Variants in CTNNB1 observed in about 807,000 individuals in gnomAD.
The protein encoded by CTNNB1 is catenin beta-1.
In CTNNB1, 6 loss-of-function variants were observed where a neutral mutation model predicts 82.5. The observed-to-expected ratio is 0.07, with a 90% CI of 0.04 to 0.14. The LOEUF (loss-of-function observed/expected upper bound fraction) is 0.14. Among genes scored for constraint, CTNNB1 ranks in the 10% least tolerant of loss-of-function variants. The pLI is 1.00. For synonymous variants in CTNNB1, 312 were observed against 329.7 expected, an observed-to-expected ratio of 0.95 and a Z score of 0.58; for missense variants, 529 against 980.4, an observed-to-expected ratio of 0.54 and a Z score of 6.15.
intron 13 of CTNNB1, 173 bp from the exon 14 acceptor site, chr3:41,237,843 T>A (rs905725270): frequency 3.3e-6 from 2 of 614,272 alleles, no homozygotes; most frequent in South Asian, 3.8e-5. Flanking sequence ...GAAAAAAAAA[T>A]GTATCTTTGA....
intron 7 of CTNNB1, among the ~76,000 whole-genome samples, chr3:41,232,735 T>C (rs11564451): frequency 1.3e-5 from 2 of 152,094 alleles, no homozygotes; most frequent in Non-Finnish European, 2.9e-5. Flanking sequence ...TTTCATGCCG[T>C]CTTTCTGGAT....
intron 1 of CTNNB1, among the ~76,000 whole-genome samples, chr3:41,206,409 ATGCATATATATG>A (rs1331488177): frequency 6.6e-6 from 1 of 152,134 alleles, no homozygotes; most frequent in South Asian, 2.1e-4. Context: ...AAATAGATAT[ATGCATATATATG>A]TGCATATATA....
chr3:41,234,585 TC>T (rs1369270878), intron 10 of CTNNB1: 2 of 432,104 alleles, frequency 4.6e-6, no homozygotes, highest in African/African-American at 2.0e-5. Flanking sequence ...AAGGCCCACT[TC>T]CTTAGGAAGA....
chr3:41,234,076 G>T (rs1012082562), intron 9 of CTNNB1, 63 bp from the exon 10 acceptor site: 37 of 1,603,334 alleles, frequency 2.3e-5, no homozygotes, highest in Non-Finnish European at 2.2e-5. Context: ...AGTGTGGTGG[G>T]AATTTTAGGG....
chr3:41,207,625 T>G (rs1172058343), intron 1 of CTNNB1, among the ~76,000 whole-genome samples: 2 of 152,238 alleles, frequency 1.3e-5, no homozygotes, highest in African/African-American at 4.8e-5. Flanking sequence ...TTAGTTACAC[T>G]GGCTCTTCTG....
At chr3:41,213,440 G>A (rs2077843187) in intron 1 of CTNNB1, among the ~76,000 whole-genome samples, 1 of 152,042 alleles carries the variant, frequency 6.6e-6, no homozygotes, top group Admixed American at 6.5e-5. Flanking sequence ...ATACTTTTTT[G>A]TAATTGTTTA....
intron 1 of CTNNB1, among the ~76,000 whole-genome samples, chr3:41,202,201 C>T (rs1016518331): frequency 1.3e-5 from 2 of 152,112 alleles, no homozygotes; most frequent in Admixed American, 6.5e-5. Context: ...TGAAATAATA[C>T]ATCTGTCCTG....
At chr3:41,223,863 G>C in intron 1 of CTNNB1, 158 bp from the exon 2 acceptor site, 1 of 590,074 alleles carries the variant, frequency 1.7e-6, no homozygotes, top group Non-Finnish European at 3.0e-6. Flanking sequence ...TGAGGTGTCT[G>C]GAGGAGACCA....
chr3:41,200,653 A>C (rs2077507512), intron 1 of CTNNB1, among the ~76,000 whole-genome samples: 1 of 152,248 alleles, frequency 6.6e-6, no homozygotes, highest in South Asian at 2.1e-4. Context: ...CCTTCGCTCC[A>C]AAGCTGGCCA....
intron 1 of CTNNB1, chr3:41,220,535 TTGCATACATTTTCTAGATG>T (rs1222515425): frequency 7.2e-5 from 11 of 152,028 alleles, no homozygotes; most frequent in African/African-American, 2.7e-4. Context: ...TTTGAGGAAA[TTGCATACATTTTCTAGATG>T]GCAAAGTATT....
intron 1 of CTNNB1, among the ~76,000 whole-genome samples, chr3:41,215,688 C>G (rs1426282503): frequency 2.0e-5 from 3 of 151,992 alleles, no homozygotes; most frequent in Non-Finnish European, 2.9e-5. Flanking sequence ...TACAACACGT[C>G]GAGTAGAGGA....
intron 1 of CTNNB1, among the ~76,000 whole-genome samples, chr3:41,215,190 A>G (rs1184915550): frequency 2.1e-5 from 3 of 145,492 alleles, no homozygotes. Flanking sequence ...AGCCTAGCCA[A>G]GATGGTGAAA....
chr3:41,210,838 G>A (rs2077766061), intron 1 of CTNNB1, among the ~76,000 whole-genome samples: 1 of 151,544 alleles, frequency 6.6e-6, no homozygotes. Flanking sequence ...CACCCAGGCT[G>A]GAGTGCAGTG....
intron 6 of CTNNB1, among the ~76,000 whole-genome samples, chr3:41,226,257 T>G (rs1294499343): frequency 6.6e-6 from 1 of 152,256 alleles, no homozygotes; most frequent in Non-Finnish European, 1.5e-5. Flanking sequence ...TGTAAAGCAC[T>G]ATGCGAAGTA....
rs1404376726 is a variant in CTNNB1 at position 41,201,019 on chromosome 3, A to G, written c.-49+1349A>G. The stretch of plus-strand genomic sequence containing the variant: ...TGAATAATGGTGGCTTAGGCTAGAC[A>G]TCAACTTGAAGAGACGGCAGCATTT... On this transcript the variant is annotated intron_variant, in intron 1 of 14. Coordinates refer to ENST00000349496, the MANE Select transcript of CTNNB1 (RefSeq NM_001904.4). Among the ~76,000 whole-genome samples the G allele has an allele frequency of 2.0e-5, 3 of 152,352 alleles. No homozygotes were observed. The East Asian group carries it at 5.8e-4, about 29-fold the overall frequency.
At chr3:41,204,498 C>G (rs2077603953) in intron 1 of CTNNB1, among the ~76,000 whole-genome samples, 1 of 152,160 alleles carries the variant, frequency 6.6e-6, no homozygotes, top group Non-Finnish European at 1.5e-5. Context: ...AATGGCTACT[C>G]AAATGTCTCC....
intron 1 of CTNNB1, among the ~76,000 whole-genome samples, chr3:41,220,332 T>A (rs921823225): frequency 6.6e-6 from 1 of 152,084 alleles, no homozygotes; most frequent in Non-Finnish European, 1.5e-5. Context: ...ATTTGATGTT[T>A]GATGCTTATT....
chr3:41,229,247 C>T (rs2078248206), intron 7 of CTNNB1, among the ~76,000 whole-genome samples: 1 of 151,802 alleles, frequency 6.6e-6, no homozygotes, highest in African/African-American at 2.4e-5. Context: ...GTGAAGAATG[C>T]CATTGGTAGT....
At chr3:41,234,886 A>G (rs1366306156) in intron 10 of CTNNB1, 1 of 161,318 alleles carries the variant, frequency 6.2e-6, no homozygotes, top group Non-Finnish European at 1.4e-5. Context: ...AGACCTTATT[A>G]GGTTAGTTTA....
Sources: allele counts gnomAD v4.1 joint callset (sites outside exome capture counted in the v4.1 genomes callset), GRCh38; gene constraint gnomAD v4.1.1; transcripts MANE v1.5; gene names NCBI Gene and HGNC (gene_info 2026-07-23, HGNC 2026-07-21).